ADCY3: variants seen among roughly 807,000 people sequenced by gnomAD.
The protein encoded by ADCY3 is adenylate cyclase 3, also known as adenylate cyclase type 3.
In ADCY3, 70 loss-of-function variants were observed where a neutral mutation model predicts 119.4. The ratio of observed to expected loss-of-function variants is 0.59; its 90% CI spans 0.48 to 0.72. The LOEUF is 0.72. Among genes scored for constraint, ADCY3 ranks in the 30% least tolerant of loss-of-function variants. ADCY3 has a pLI of 0.00. For missense variants in ADCY3, 1,238 were observed against 1,541.6 expected (o/e 0.80, Z 3.30); for synonymous variants, 672 against 621.4 (o/e 1.08, Z -1.21).
Position 24,919,265 on chromosome 2 carries a change from A to C in ADCY3, c.-197-81T>G. 7.6e-6 allele frequency: 3 copies of C among 395,638 alleles called. No individual in the cohort carries two copies. Among genetic ancestry groups the C allele is most frequent in the Non-Finnish European group, 1.4e-5 (3 of 215,114 alleles). 24.5% of individuals were successfully genotyped at this position (395,638 alleles called of 1,614,324 possible). On this transcript the variant is annotated intron_variant, in intron 1 of 21. Coordinates refer to ENST00000679454, the MANE Select transcript of ADCY3 (RefSeq NM_004036.5). This position sits in a 1 kb window ranked among gnomAD's most constrained non-coding sequence, Gnocchi z 5.5. ...CCATGACCCGCCCTAACCCTCATAA[A>C]AGGATCTCTGCTGCAAGAGCCTCCC...
At chr2:24,886,648 C>A (rs374731380) in intron 2 of ADCY3, among the ~76,000 whole-genome samples, 1 of 152,196 alleles carries the variant, frequency 6.6e-6, no homozygotes, top group African/African-American at 2.4e-5. Flanking sequence ...GTGTGAGCTG[C>A]GCTGCCAGGC....
chr2:24,853,705 C>T (rs531377567), intron 3 of ADCY3, among the ~76,000 whole-genome samples: 5 of 151,926 alleles, frequency 3.3e-5, no homozygotes, highest in East Asian at 1.9e-4. Context: ...GTGATCTGCC[C>T]GAGATCCTGA....
chr2:24,912,579 GTGTGTGCATGTGTGTGTGTGTGTGCA>G (rs778996008), intron 2 of ADCY3, among the ~76,000 whole-genome samples: 25,362 of 86,924 alleles, frequency 0.29, 2,606 homozygotes, highest in African/African-American at 0.46. Context: ...ATGTGTGTGT[GTGTGTGCATGTGTGTGTGTGTGTGCA>G]TGTGTGTGTG....
chr2:24,821,420 C>G, intron 20 of ADCY3, 97 bp downstream of exon 20: 8 of 1,526,616 alleles, frequency 5.2e-6, no homozygotes, highest in Non-Finnish European at 7.1e-6. Context: ...CCCGAATTGC[C>G]TCAGTTGTCC....
At chr2:24,852,432 G>A (rs1399765987) in intron 3 of ADCY3, among the ~76,000 whole-genome samples, 1 of 152,188 alleles carries the variant, frequency 6.6e-6, no homozygotes, top group Non-Finnish European at 1.5e-5. Flanking sequence ...GGAGAGTGCT[G>A]CCTCCATGGC....
At chr2:24,917,913 A>C (rs1664656295) in intron 2 of ADCY3, among the ~76,000 whole-genome samples, 1 of 152,204 alleles carries the variant, frequency 6.6e-6, no homozygotes, top group Non-Finnish European at 1.5e-5. Flanking sequence ...CACTGAGTCC[A>C]CACAGCTAGT....
At chr2:24,837,603 C>A (rs1670468375) in intron 8 of ADCY3, among the ~76,000 whole-genome samples, 1 of 152,220 alleles carries the variant, frequency 6.6e-6, no homozygotes, top group African/African-American at 2.4e-5. Flanking sequence ...AGTCACCAAG[C>A]TCCTTAATTC....
intron 2 of ADCY3, among the ~76,000 whole-genome samples, chr2:24,888,910 G>A (rs1393265866): frequency 6.6e-6 from 1 of 152,200 alleles, no homozygotes; most frequent in African/African-American, 2.4e-5. Context: ...TCGGGAGGCT[G>A]AGGCAGGAGA....
intron 3 of ADCY3, among the ~76,000 whole-genome samples, chr2:24,843,562 G>A (rs1006146128): frequency 3.3e-5 from 5 of 152,244 alleles, no homozygotes; most frequent in African/African-American, 1.2e-4. Context: ...CAATGGCAGA[G>A]TGGGGTAGAT....
At chr2:24,874,222 C>T (rs576862550) in intron 2 of ADCY3, among the ~76,000 whole-genome samples, 19 of 152,298 alleles carry the variant, frequency 1.2e-4, no homozygotes, top group African/African-American at 3.6e-4. Context: ...GGAGGTCAGG[C>T]GAGTCTCAGT....
rs199965161 is a variant in ADCY3 at position 24,839,937 on chromosome 2, G to A, written c.1291C>T (p.Gln431Ter). The A allele has an allele frequency of 6.2e-7, 1 of 1,613,726 alleles. No homozygotes were observed. The highest frequency in any genetic ancestry group is 1.3e-5 in the African/African-American group (1 of 74,928). ...ACATCAGTCGACCACACGTCGTACT[G>A]CCAGCGCTTCTGGCCCAGGACGCCC... ...LGGVLGQKRW[Q>*]YDVWSTDVTV... The change falls in exon 7 of 22, where the codon CAG becomes TAG. Residue 431 changes from glutamine (Q) to a stop codon, truncating the protein, a stop_gained. Coordinates refer to ENST00000679454, the MANE Select transcript of ADCY3 (RefSeq NM_004036.5). LOFTEE classifies it high-confidence loss of function.
chr2:24,836,862 G>A (rs1670384071), intron 9 of ADCY3, 55 bp downstream of exon 9: 3 of 1,554,226 alleles, frequency 1.9e-6, no homozygotes, highest in African/African-American at 2.7e-5. Flanking sequence ...ATTGCTTCCT[G>A]GTGCCTGCCC....
intron 2 of ADCY3, among the ~76,000 whole-genome samples, chr2:24,891,518 TA>T (rs1267263611): frequency 6.6e-6 from 1 of 152,178 alleles, no homozygotes; most frequent in Non-Finnish European, 1.5e-5. Flanking sequence ...AGTATAAAAG[TA>T]GTGATGCTAG....
chr2:24,874,901 G>A (rs879439321), intron 2 of ADCY3, among the ~76,000 whole-genome samples: 3 of 152,212 alleles, frequency 2.0e-5, no homozygotes, highest in Admixed American at 6.5e-5. Flanking sequence ...CTACATAGGA[G>A]GTCACCAGGC....
chr2:24,828,678 C>T (rs978335087), intron 13 of ADCY3, among the ~76,000 whole-genome samples: 3 of 152,238 alleles, frequency 2.0e-5, no homozygotes, highest in East Asian at 1.9e-4. Context: ...CGGGAGAAAG[C>T]GCATCCAGAA....
In ADCY3 at chr2:24,849,469, A is replaced by C. The variant is rs13392560; in HGVS notation, c.826-7085T>G. 5.8e-3 allele frequency among the ~76,000 whole-genome samples: 883 copies of C among 152,320 alleles called. 10 individuals are homozygous for C. Among genetic ancestry groups the C allele is most frequent in the African/African-American group, 0.02 (831 of 41,576 alleles). On this transcript the variant is annotated intron_variant, in intron 3 of 21. Coordinates refer to ENST00000679454, the MANE Select transcript of ADCY3 (RefSeq NM_004036.5). ...GTGAGCTTCTCTCTGGGGGTGGGAC[A>C]GGGGGAATTTCCATTTTTTTCCCTT...
chr2:24,852,178 C>A (rs1291739678), intron 3 of ADCY3, among the ~76,000 whole-genome samples: 1 of 152,182 alleles, frequency 6.6e-6, no homozygotes, highest in Non-Finnish European at 1.5e-5. Flanking sequence ...GGTCCTTCCT[C>A]ACAGAAACGG....
chr2:24,909,288 C>A (rs1663291384), intron 2 of ADCY3, among the ~76,000 whole-genome samples: 2 of 152,150 alleles, frequency 1.3e-5, no homozygotes, highest in South Asian at 4.1e-4. Flanking sequence ...TAAATGCAAA[C>A]CCAATCCTAT....
chr2:24,821,855 A>T, intron 19 of ADCY3: 2 of 595,430 alleles, frequency 3.4e-6, no homozygotes, highest in Non-Finnish European at 5.6e-6. Context: ...TGGGCAATTG[A>T]GCAGAGGAGA....
Sources: gnomAD v4.1 joint callset for allele counts (sites outside exome capture counted in the v4.1 genomes callset) on GRCh38, gnomAD v4.1.1 for gene constraint, Gnocchi (gnomAD v3.1) non-coding constraint, MANE v1.5 for transcripts, NCBI Gene and HGNC (gene_info 2026-07-23, HGNC 2026-07-21) for gene names.